IFT140: variants seen among roughly 807,000 people sequenced by gnomAD.
IFT140 encodes intraflagellar transport 140.
A neutral mutation model predicts 164.6 loss-of-function variants in IFT140; 133 were observed. The ratio of observed to expected loss-of-function variants is 0.81; its 90% CI spans 0.70 to 0.93. IFT140 has a LOEUF of 0.93. IFT140 is among the 40% of genes least tolerant of loss of function. The pLI is 0.00. For missense variants in IFT140, 2,045 were observed against 1,972.3 expected (o/e 1.04, Z -0.70); for synonymous variants, 860 against 817.3 (o/e 1.05, Z -0.89).
At chr16:1,548,921 G>A (rs1335947649) in intron 19 of IFT140, among the ~76,000 whole-genome samples, 1 of 152,206 alleles carries the variant, frequency 6.6e-6, no homozygotes, top group Non-Finnish European at 1.5e-5. Flanking sequence ...TGGAACACAC[G>A]GAAGGTTCCC....
chr16:1,563,945 G>C, intron 17 of IFT140, 52 bp downstream of exon 17: 9 of 1,486,086 alleles, frequency 6.1e-6, no homozygotes, highest in Non-Finnish European at 8.1e-6. Flanking sequence ...TCTTAAGTCT[G>C]TCAAATGGCC....
At chr16:1,561,188 C>T (rs2141499953) in intron 18 of IFT140, among the ~76,000 whole-genome samples, 1 of 152,332 alleles carries the variant, frequency 6.6e-6, no homozygotes, top group Non-Finnish European at 1.5e-5. Context: ...CTCTCAGAGC[C>T]AGGCACTCCA....
chr16:1,526,464 G>A (rs900335709), intron 20 of IFT140, 155 bp downstream of exon 20: 18 of 834,986 alleles, frequency 2.2e-5, no homozygotes, highest in East Asian at 8.3e-5. Flanking sequence ...CACCTCCACC[G>A]CCGCTGTCTG....
intron 19 of IFT140, among the ~76,000 whole-genome samples, chr16:1,528,312 CACGCACGCAT>C (rs1431589416): frequency 1.5e-5 from 2 of 136,756 alleles, no homozygotes; most frequent in Non-Finnish European, 3.2e-5. Flanking sequence ...GCCACACACA[CACGCACGCAT>C]GCACGCACGT....
chr16:1,567,786 G>A (rs748053687), intron 15 of IFT140, among the ~76,000 whole-genome samples: 20 of 152,138 alleles, frequency 1.3e-4, no homozygotes, highest in African/African-American at 3.1e-4. Context: ...TGTGGCTGCC[G>A]CTGGCCCTCT....
intron 13 of IFT140, among the ~76,000 whole-genome samples, chr16:1,576,286 TA>T (rs35262072): frequency 0.045 from 5,225 of 115,298 alleles, 285 homozygotes; most frequent in African/African-American, 0.14. Flanking sequence ...ACTCTGTCTT[TA>T]AAAAAAAAAA....
intron 15 of IFT140, among the ~76,000 whole-genome samples, chr16:1,566,817 T>G (rs1375476560): frequency 6.6e-6 from 1 of 152,112 alleles, no homozygotes; most frequent in South Asian, 2.1e-4. Context: ...CTCGACCTTT[T>G]TGAGGCTCCT....
chr16:1,529,194 C>T (rs1427401960), intron 19 of IFT140, among the ~76,000 whole-genome samples: 4 of 152,228 alleles, frequency 2.6e-5, no homozygotes, highest in African/African-American at 9.6e-5. Context: ...GGACGCAGGG[C>T]GGGCAGGTGC....
intron 19 of IFT140, 156 bp from the exon 20 acceptor site, chr16:1,526,952 T>C (rs2040720981): frequency 2.7e-6 from 2 of 750,836 alleles, no homozygotes; most frequent in African/African-American, 3.6e-5. Context: ...TGGGCAAGAC[T>C]GCAGGCCATG....
At chr16:1,611,462 G>A (rs1311208585) in intron 1 of IFT140, among the ~76,000 whole-genome samples, 8 of 147,798 alleles carry the variant, frequency 5.4e-5, no homozygotes, top group Middle Eastern at 3.3e-3. Flanking sequence ...TCGGGCCACT[G>A]CACTCCAGCC....
intron 19 of IFT140, chr16:1,541,656 G>A (rs1194557009): frequency 3.0e-6 from 1 of 332,434 alleles, no homozygotes; most frequent in Non-Finnish European, 4.3e-6. Context: ...AGCAGAGTAG[G>A]GCCCGTCCCT....
At chr16:1,569,174 T>C (rs925765612) in intron 14 of IFT140, among the ~76,000 whole-genome samples, 1 of 151,828 alleles carries the variant, frequency 6.6e-6, no homozygotes, top group Non-Finnish European at 1.5e-5. Flanking sequence ...CCGGCTAATT[T>C]ATTTTTGTAT....
chr16:1,606,202 T>A (rs1275880371), intron 3 of IFT140, among the ~76,000 whole-genome samples: 2 of 152,216 alleles, frequency 1.3e-5, no homozygotes, highest in Admixed American at 1.3e-4. Flanking sequence ...GTGGAAATGA[T>A]TAGAGTTCCA....
intron 19 of IFT140, among the ~76,000 whole-genome samples, chr16:1,552,281 G>A (rs954140073): frequency 6.6e-6 from 1 of 151,944 alleles, no homozygotes; most frequent in Non-Finnish European, 1.5e-5. Context: ...GGCTTGCATC[G>A]CCCCCCTGCT....
At chr16:1,569,798 G>C (rs1398528276) in intron 14 of IFT140, among the ~76,000 whole-genome samples, 1 of 151,226 alleles carries the variant, frequency 6.6e-6, no homozygotes, top group Non-Finnish European at 1.5e-5. Context: ...ATGCTGCCCA[G>C]GCTGGTCTTG....
At position 1,558,153 on chromosome 16, in the gene IFT140, A is replaced by G; in HGVS notation, c.2200-19T>C. ...CTTCGGGCTAAATGACAAAGGACCC[A>G]TGTGTTTGTTAATTCATATGTAAAG... On this transcript the variant is annotated intron_variant, in intron 18 of 30. Transcript: ENST00000426508. The G allele has an allele frequency of 6.2e-7, 1 of 1,613,324 alleles. No individual in the cohort carries two copies. Among genetic ancestry groups the G allele is most frequent in the Non-Finnish European group, 8.5e-7 (1 of 1,179,346 alleles).
chr16:1,523,218 C>CAA (rs397855579), intron 26 of IFT140, among the ~76,000 whole-genome samples: 4 of 103,110 alleles, frequency 3.9e-5, no homozygotes, highest in African/African-American at 6.6e-5. Context: ...GACCCTGTCT[C>CAA]AAAAAAAAAA....
intron 4 of IFT140, among the ~76,000 whole-genome samples, chr16:1,601,898 A>C (rs1164066619): frequency 6.6e-6 from 1 of 152,244 alleles, no homozygotes; most frequent in East Asian, 1.9e-4. Context: ...TTTGTGATTC[A>C]GTTGCCTCTG....
In IFT140 at chr16:1,553,316, G is replaced by C. The variant is rs1274306287; in HGVS notation, c.2399+4619C>G. 24 of 984,652 alleles carry C rather than the reference G, an allele frequency of 2.4e-5. No individual in the cohort carries two copies. The highest frequency in any genetic ancestry group is 5.2e-4 in the Middle Eastern group (1 of 1,936). The allele number at this position is 984,652 out of a possible 1,614,324, so 61.0% of individuals were successfully genotyped here. A position where few individuals can be genotyped will look rare whatever the true frequency, so the allele number is the denominator to read the frequency against. Reference sequence around the variant, plus strand: ...CCTGTCTCTCTGTGTCTCTGTCTCTGTGTCTCTGTCCCTGTGTCTCTTTTT... The same window carrying C: ...CCTGTCTCTCTGTGTCTCTGTCTCTCTGTCTCTGTCCCTGTGTCTCTTTTT... On this transcript the variant is annotated intron_variant, in intron 19 of 30. Coordinates refer to ENST00000426508, the MANE Select transcript of IFT140 (RefSeq NM_014714.4). This position sits in a 1 kb window ranked among gnomAD's most constrained non-coding sequence, Gnocchi z 4.4.
Sources: allele counts gnomAD v4.1 joint callset (sites outside exome capture counted in the v4.1 genomes callset), GRCh38; gene constraint gnomAD v4.1.1; non-coding constraint Gnocchi (gnomAD v3.1); transcripts MANE v1.5; gene names NCBI Gene and HGNC (gene_info 2026-07-23, HGNC 2026-07-21).